The following LIN37 variants were observed in gnomAD, a reference collection of about 807,000 sequenced individuals.
LIN37 encodes lin-37 DREAM MuvB core complex component.
Under a neutral mutation model 38.0 loss-of-function variants are expected in LIN37, and 21 were observed. The observed-to-expected ratio is 0.55, with a 90% CI of 0.39 to 0.80. LIN37 has a LOEUF of 0.80. Ranked by LOEUF, LIN37 falls within the 30% of genes least tolerant of loss-of-function variation. The probability of loss-of-function intolerance (pLI) is 0.00; values close to 1 mark genes in which losing one functional copy is unlikely to be tolerated. For synonymous variants in LIN37, 126 were observed against 122.9 expected (o/e 1.03, Z -0.17); for missense variants, 273 against 338.5 (o/e 0.81, Z 1.52).
Position 35,752,209 on chromosome 19 carries a change from A to G in LIN37, c.68A>G (p.Asp23Gly). 6.2e-7 allele frequency: 1 copy of G among 1,607,298 alleles called. No individual in the cohort carries two copies. The highest frequency in any genetic ancestry group is 8.5e-7 in the Non-Finnish European group (1 of 1,176,952). Reference sequence around the variant, plus strand: ...ATGGCCAAAGCCCGGAACCAACTGGATGCTGTCTTGCAGTGTCTGCTGGAG... The same window carrying G: ...ATGGCCAAAGCCCGGAACCAACTGGGTGCTGTCTTGCAGTGTCTGCTGGAG... ...LEMAKARNQL[D>G]AVLQCLLEKS... Residue 23 changes from aspartate (D) to glycine (G), a missense_variant, in exon 2 of 9, where the codon GAT becomes GGT. By Grantham distance (94) the Asp-to-Gly change is moderately conservative. Transcript: ENST00000301159.
intron 1 of LIN37, among the ~76,000 whole-genome samples, chr19:35,749,559 C>T (rs1292665684): frequency 1.3e-5 from 2 of 150,850 alleles, no homozygotes; most frequent in Admixed American, 6.6e-5. Context: ...TTTGGGAGGC[C>T]GAGGCTGGCA....
chr19:35,753,810 A>G (rs1970713702), intron 6 of LIN37: 1 of 585,740 alleles, frequency 1.7e-6, no homozygotes, highest in Non-Finnish European at 3.0e-6. Context: ...TCTGGGCTGG[A>G]TAGGAGAAGA....
In LIN37 at chr19:35,753,117, G is replaced by A; in HGVS notation, c.308G>A (p.Ser103Asn). 1 of 1,605,418 alleles carries A rather than the reference G, an allele frequency of 6.2e-7. No individual in the cohort carries two copies. Among genetic ancestry groups the A allele is most frequent in the Non-Finnish European group, 8.5e-7 (1 of 1,176,126 alleles). The change falls in exon 6 of 9, where the codon AGC becomes AAC. Residue 103 changes from serine to asparagine, a missense_variant. By Grantham distance (46) the Ser-to-Asn change is conservative. Transcript: ENST00000301159. ...TATGTGATCAAGCTGTTCGACCGGAGCGTGGACTTGGCCCAGTTCAGCGAG... is the reference window on the plus strand; with the variant it reads ...TATGTGATCAAGCTGTTCGACCGGAACGTGGACTTGGCCCAGTTCAGCGAG... ...NTYVIKLFDR[S>N]VDLAQFSENT...
At position 35,754,075 on chromosome 19, in the gene LIN37, C is replaced by G. The variant is rs1970718105; in HGVS notation, c.503C>G (p.Pro168Arg). The change falls in exon 7 of 9, where the codon CCC (proline) becomes CGC (arginine). Residue 168 changes from proline to arginine, a missense_variant. Transcript: ENST00000301159. ...RDVYKLPPPTPPGPPGDACRS... is the reference protein window; with the variant it reads ...RDVYKLPPPTRPGPPGDACRS... Reference sequence around the variant, plus strand: ...GTGTACAAGCTGCCGCCACCCACACCCCCGGGGCCACCCGGAGATGCCTGC... The same window carrying G: ...GTGTACAAGCTGCCGCCACCCACACGCCCGGGGCCACCCGGAGATGCCTGC... 12 of 1,613,948 alleles carry G rather than the reference C, an allele frequency of 7.4e-6. No homozygotes were observed. In the South Asian group the frequency reaches 7.7e-5, roughly 10 times the overall value.
Position 35,753,128 on chromosome 19 carries a change from G to C in LIN37, c.319G>C (p.Ala107Pro), listed in dbSNP as rs1226191339. ...IKLFDRSVDLAQFSENTPLYP... is the reference protein window; with the variant it reads ...IKLFDRSVDLPQFSENTPLYP... ...GCTGTTCGACCGGAGCGTGGACTTG[G>C]CCCAGTTCAGCGAGAACACGCCACT... Residue 107 changes from alanine (A) to proline (P), a missense_variant, in exon 6 of 9, where the codon GCC becomes CCC. By Grantham distance (27) the Ala-to-Pro change is conservative. Coordinates refer to ENST00000301159, the MANE Select transcript of LIN37 (RefSeq NM_019104.3). The C allele has an allele frequency of 2.5e-6, 4 of 1,603,554 alleles. No homozygotes were observed. The highest frequency in any genetic ancestry group is 3.4e-6 in the Non-Finnish European group (4 of 1,175,304).
Position 35,748,602 on chromosome 19 carries a change from G to T in LIN37, c.-123G>T. Reference sequence around the variant, plus strand: ...CGGTCCAGGCTGGACACAACCAAAGGCGGAGGACCCGTGGCCCACGAAGCT... The same window carrying T: ...CGGTCCAGGCTGGACACAACCAAAGTCGGAGGACCCGTGGCCCACGAAGCT... On this transcript the variant is annotated 5_prime_UTR_variant, in exon 1 of 9. Transcript: ENST00000301159. The T allele has an allele frequency of 7.4e-7, 1 of 1,358,820 alleles. No individual in the cohort carries two copies. Among genetic ancestry groups the T allele is most frequent in the Non-Finnish European group, 1.1e-6 (1 of 950,528 alleles). The allele number at this position is 1,358,820 out of a possible 1,614,324, so 84.2% of individuals were successfully genotyped here.
intron 1 of LIN37, among the ~76,000 whole-genome samples, chr19:35,751,133 C>T (rs1050080245): frequency 2.6e-5 from 4 of 151,952 alleles, no homozygotes; most frequent in Non-Finnish European, 4.4e-5. Context: ...CCAGCCTGGT[C>T]AACGTGGTAA....
At chr19:35,750,974 GA>G (rs1172038676) in intron 1 of LIN37, among the ~76,000 whole-genome samples, 1 of 147,072 alleles carries the variant, frequency 6.8e-6, no homozygotes, top group African/African-American at 2.5e-5. Flanking sequence ...AAAAAGAAAA[GA>G]AAGAAATCTC....
At position 35,748,862 on chromosome 19, in the gene LIN37, C is replaced by G. The variant is rs568184347; in HGVS notation, c.34+104C>G. The G allele has an allele frequency of 1.1e-3, 1,734 of 1,600,568 alleles. 25 individuals carry two copies. In the South Asian group the frequency reaches 0.018, roughly 17 times the overall value. ...GGAAAGGGGACTGCACGACTTTTCC[C>G]TGAAGCCCACCTGACAATCGCTGTA... On this transcript the variant is annotated intron_variant, in intron 1 of 8. Transcript: ENST00000301159.
chr19:35,753,334 G>A lies in LIN37; in HGVS notation c.444+81G>A, dbSNP rs1223977306. ...TAGGCTCAAAGGATCCTGCCCCTAA[G>A]CTAGTGGGATAGACAGACACAGGTC... On this transcript the variant is annotated intron_variant, in intron 6 of 8. Coordinates refer to ENST00000301159, the MANE Select transcript of LIN37 (RefSeq NM_019104.3). The A allele has an allele frequency of 6.8e-6, 10 of 1,467,368 alleles. No individual in the cohort carries two copies. In the Admixed American group the frequency reaches 1.8e-4, roughly 26 times the overall value. The allele number at this position is 1,467,368 out of a possible 1,614,324, so 90.9% of individuals were successfully genotyped here.
At chr19:35,749,058 T>A (rs1002980924) in intron 1 of LIN37, 11 of 1,019,598 alleles carry the variant, frequency 1.1e-5, no homozygotes, top group Non-Finnish European at 1.1e-5. Flanking sequence ...TTAATTTAAA[T>A]TTTTAAAATA....
chr19:35,749,012 T>A, intron 1 of LIN37: 1 of 1,320,590 alleles, frequency 7.6e-7, no homozygotes, highest in Non-Finnish European at 9.7e-7. Context: ...CCTGAGCCGG[T>A]AACTCTGAGA....
At chr19:35,748,956 A>G in intron 1 of LIN37, 198 bp downstream of exon 1, 1 of 1,453,332 alleles carries the variant, frequency 6.9e-7, no homozygotes, top group Middle Eastern at 2.4e-4. Flanking sequence ...TTTGAGATTG[A>G]ATGGGGTGGC....
At chr19:35,750,068 C>T (rs1236598198) in intron 1 of LIN37, among the ~76,000 whole-genome samples, 1 of 148,454 alleles carries the variant, frequency 6.7e-6, no homozygotes, top group African/African-American at 2.5e-5. Context: ...CAAGGGGGAG[C>T]AAAGGACAGG....
rs774537515 is a variant in LIN37, at chr19:35,754,265, C to A, written c.605C>A (p.Ser202Ter). The A allele has an allele frequency of 3.8e-5, 61 of 1,613,962 alleles. No homozygotes were observed. Among genetic ancestry groups the A allele is most frequent in the Admixed American group, 8.3e-5 (5 of 60,014 alleles). Residue 202 changes from serine (S) to a stop codon, truncating the protein, a stop_gained, in exon 8 of 9, where the codon TCA (serine) becomes TAA (stop). Coordinates refer to ENST00000301159, the MANE Select transcript of LIN37 (RefSeq NM_019104.3). LOFTEE classifies it high-confidence loss of function. ...ATGCAGCCCTCTGAGCCCGAGCCCT[C>A]ACCCTCCACACTCATCTATCGCAAC... ...PDDEPSEPEP[S>*]PSTLIYRNMQ...
At chr19:35,753,311 G>T in intron 6 of LIN37, 58 bp downstream of exon 6, 1 of 1,526,810 alleles carries the variant, frequency 6.5e-7, no homozygotes, top group Non-Finnish European at 8.8e-7. Flanking sequence ...TGGGTGGATA[G>T]GCTCAAAGGA....
At chr19:35,754,348 C>G in intron 8 of LIN37, 29 bp downstream of exon 8, 1 of 1,613,994 alleles carries the variant, frequency 6.2e-7, no homozygotes, top group Non-Finnish European at 8.5e-7. Flanking sequence ...GCTTGCCCCT[C>G]GTAGGGCCCT....
intron 1 of LIN37, among the ~76,000 whole-genome samples, chr19:35,750,694 G>T (rs1970669692): frequency 2.3e-5 from 1 of 43,704 alleles, no homozygotes. Flanking sequence ...TGGGTGCGGT[G>T]GCTTCTGCCT....
rs1277863212 is a variant in LIN37 at position 35,753,167 on chromosome 19, C to A, written c.358C>A (p.Arg120Ser). 1.3e-6 allele frequency: 2 copies of A among 1,591,470 alleles called. No individual in the cohort carries two copies. Among genetic ancestry groups the A allele is most frequent in the Non-Finnish European group, 8.6e-7 (1 of 1,169,420 alleles). ...GAACACGCCACTGTACCCAATCTGC[C>A]GCGCCTGGATGCGCAACAGCCCCTC... Reference protein sequence around the residue: ...SENTPLYPICRAWMRNSPSVR... With the variant: ...SENTPLYPICSAWMRNSPSVR... Residue 120 changes from arginine to serine, a missense_variant, in exon 6 of 9, where the codon CGC (arginine) becomes AGC (serine). Coordinates refer to ENST00000301159, the MANE Select transcript of LIN37 (RefSeq NM_019104.3).
Sources: gnomAD v4.1 joint callset for allele counts (sites outside exome capture counted in the v4.1 genomes callset) on GRCh38, gnomAD v4.1.1 for gene constraint, MANE v1.5 for transcripts, NCBI Gene and HGNC (gene_info 2026-07-23, HGNC 2026-07-21) for gene names.